Variants in CSNK1G3 observed in about 807,000 individuals in gnomAD.
The protein encoded by CSNK1G3 is casein kinase I isoform gamma-3.
CSNK1G3 carries 23 observed loss-of-function variants against 64.3 expected under a neutral mutation model. The observed-to-expected ratio is 0.36, with a 90% confidence interval of 0.26 to 0.51. The LOEUF (loss-of-function observed/expected upper bound fraction) is 0.51, where lower values mean the gene tolerates loss of function less well. Ranked by LOEUF, CSNK1G3 falls within the 20% of genes least tolerant of loss-of-function variation. The pLI is 0.96. For synonymous variants in CSNK1G3, 158 were observed against 162.2 expected (o/e 0.97, Z 0.20); for missense variants, 357 against 510.5 (o/e 0.70, Z 2.90).
intron 12 of CSNK1G3, 23 bp from the exon 14 acceptor site, chr5:123,614,319 A>C (rs751976250): frequency 2.5e-6 from 4 of 1,603,112 alleles, no homozygotes; most frequent in Admixed American, 3.5e-5. Flanking sequence ...TTAAAATAAA[A>C]AGAGTGTTTC....
At chr5:123,610,662 A>G (rs944342696) in intron 12 of CSNK1G3, among the ~76,000 whole-genome samples, 3 of 152,212 alleles carry the variant, frequency 2.0e-5, no homozygotes, top group Admixed American at 6.5e-5. Flanking sequence ...GGTTGTTTCT[A>G]AAGTTCATCA....
chr5:123,585,721 A>T (rs1791210905), intron 6 of CSNK1G3, among the ~76,000 whole-genome samples: 1 of 152,180 alleles, frequency 6.6e-6, no homozygotes, highest in African/African-American at 2.4e-5. Flanking sequence ...CCATACTTTG[A>T]AGTTTGCTTT....
At chr5:123,514,802 G>A (rs1189699394) in intron 1 of CSNK1G3, among the ~76,000 whole-genome samples, 3 of 152,054 alleles carry the variant, frequency 2.0e-5, no homozygotes, top group Non-Finnish European at 2.9e-5. Flanking sequence ...CTGGACATAA[G>A]GCTGTTTTGC....
intron 10 of CSNK1G3, among the ~76,000 whole-genome samples, chr5:123,603,984 C>T (rs540590932): frequency 6.6e-6 from 1 of 152,142 alleles, no homozygotes; most frequent in South Asian, 2.1e-4. Context: ...AAAAGGAGCA[C>T]CCTGATTGCT....
At chr5:123,614,426 A>C in exon 13 of CSNK1G3, 1 of 1,593,290 alleles carries the variant, frequency 6.3e-7, no homozygotes, top group Non-Finnish European at 8.6e-7. Context: ...CTGGGGAGTT[A>C]CTTACATGTT....
intron 4 of CSNK1G3, among the ~76,000 whole-genome samples, chr5:123,572,118 G>T (rs1788233515): frequency 6.6e-6 from 1 of 152,138 alleles, no homozygotes; most frequent in African/African-American, 2.4e-5. Context: ...TTGTAAAGTT[G>T]TGGTGGCTTT....
chr5:123,608,451 A>G (rs529327998), intron 12 of CSNK1G3, among the ~76,000 whole-genome samples: 12 of 152,312 alleles, frequency 7.9e-5, no homozygotes, highest in African/African-American at 2.4e-4. Context: ...AGGTAATACA[A>G]ATGATAGCAC....
chr5:123,612,756 A>G (rs184250262), intron 12 of CSNK1G3, among the ~76,000 whole-genome samples: 3 of 152,280 alleles, frequency 2.0e-5, no homozygotes, highest in South Asian at 2.1e-4. Context: ...GATTACACGC[A>G]TGAGCCACCC....
chr5:123,559,369 T>C (rs1157869539), intron 4 of CSNK1G3, among the ~76,000 whole-genome samples: 1 of 152,208 alleles, frequency 6.6e-6, no homozygotes, highest in African/African-American at 2.4e-5. Flanking sequence ...AGTCATTGAA[T>C]TGAGTAACAA....
Position 123,520,874 on chromosome 5 carries a change from G to GT in CSNK1G3, c.-248+8312dup, listed in dbSNP as rs546566937. 2.7e-5 allele frequency among the ~76,000 whole-genome samples: 4 copies of GT among 146,010 alleles called. No individual in the cohort carries two copies. In the East Asian group the frequency reaches 5.8e-4, roughly 21 times the overall value. On this transcript the variant is annotated intron_variant, in intron 1 of 12. Coordinates refer to ENST00000345990, the Ensembl canonical transcript of CSNK1G3. ...CTTTAGTAAAAAGGGAAGTGAAAAT[G>GT]TTTTTTTTCTTTACACCCACTGTGT...
At chr5:123,560,228 G>A (rs1031320893) in intron 4 of CSNK1G3, among the ~76,000 whole-genome samples, 3 of 152,164 alleles carry the variant, frequency 2.0e-5, no homozygotes, top group Admixed American at 1.3e-4. Flanking sequence ...CAGAAAGCAA[G>A]TGTTAGTATG....
chr5:123,576,855 C>A (rs940053269), intron 6 of CSNK1G3, among the ~76,000 whole-genome samples: 9 of 151,874 alleles, frequency 5.9e-5, no homozygotes, highest in Non-Finnish European at 1.2e-4. Flanking sequence ...AGATTTTTGC[C>A]CTCTAGATTT....
intron 1 of CSNK1G3, among the ~76,000 whole-genome samples, chr5:123,520,496 G>A (rs1361643348): frequency 4.7e-5 from 7 of 149,484 alleles, no homozygotes; most frequent in Admixed American, 1.3e-4. Flanking sequence ...TTTTTTTGAG[G>A]GGGGTAGAAT....
At chr5:123,541,917 G>A (rs370139063) in intron 1 of CSNK1G3, among the ~76,000 whole-genome samples, 15 of 151,898 alleles carry the variant, frequency 9.9e-5, no homozygotes, top group African/African-American at 3.4e-4. Flanking sequence ...TTTCAACCAA[G>A]TAATGTTTAG....
intron 12 of CSNK1G3, among the ~76,000 whole-genome samples, chr5:123,609,133 G>C (rs942618311): frequency 1.3e-5 from 2 of 152,166 alleles, no homozygotes; most frequent in African/African-American, 4.8e-5. Flanking sequence ...TGAAAACTGA[G>C]ATAGGCTAAT....
At chr5:123,591,260 G>T in intron 9 of CSNK1G3, 59 bp from the exon 10 acceptor site, 1 of 1,049,816 alleles carries the variant, frequency 9.5e-7, no homozygotes, top group South Asian at 1.8e-5. Context: ...GCAGCTAAAT[G>T]ATTTTAAATA....
At chr5:123,593,160 C>G (rs1050672366) in intron 10 of CSNK1G3, among the ~76,000 whole-genome samples, 7 of 150,898 alleles carry the variant, frequency 4.6e-5, no homozygotes, top group African/African-American at 1.7e-4. Flanking sequence ...TTTCATTTGT[C>G]CAGTCCTTGC....
rs748895349 is a variant in CSNK1G3 at position 123,605,313 on chromosome 5, AT to A, written c.1194-15del. 41,944 of 1,011,044 alleles carry A rather than the reference AT, an allele frequency of 0.041. 2 individuals are homozygous for A. The highest frequency in any genetic ancestry group is 0.067 in the South Asian group (3,655 of 54,384). The allele number at this position is 1,011,044 out of a possible 1,614,324, so 62.6% of individuals were successfully genotyped here. A position where few individuals can be genotyped will look rare whatever the true frequency, so the allele number is the denominator to read the frequency against. ...CTCTCTCTCTCTTTTTTTTCCTTGT[AT>A]TTTTTTTTTTGTGTGTGCGTATAGC... On this transcript the variant is annotated intron_variant, in intron 11 of 12. Coordinates refer to ENST00000345990, the Ensembl canonical transcript of CSNK1G3.
In CSNK1G3 at chr5:123,557,611, A is replaced by G. The variant is rs914021702; in HGVS notation, c.289+47A>G. 3.2e-6 allele frequency: 4 copies of G among 1,237,970 alleles called. No homozygotes were observed. In the African/African-American group the frequency reaches 6.1e-5, roughly 19 times the overall value. The allele number at this position is 1,237,970 out of a possible 1,614,324, so 76.7% of individuals were successfully genotyped here. A position where few individuals can be genotyped will look rare whatever the true frequency, so the allele number is the denominator to read the frequency against. On this transcript the variant is annotated intron_variant, in intron 4 of 12. Transcript: ENST00000345990. Reference sequence around the variant, plus strand: ...TAAATTTGAAATAAAGTGGATTGTCATGACTTTTTAGTTTCAAGGAATGGT... The same window carrying G: ...TAAATTTGAAATAAAGTGGATTGTCGTGACTTTTTAGTTTCAAGGAATGGT...
Sources: gnomAD v4.1 joint callset for allele counts (sites outside exome capture counted in the v4.1 genomes callset) on GRCh38, gnomAD v4.1.1 for gene constraint, MANE v1.5 for transcripts, NCBI Gene and HGNC (gene_info 2026-07-23, HGNC 2026-07-21) for gene names.